FOCAD: variants seen among roughly 807,000 people sequenced by gnomAD.
FOCAD encodes the protein focadhesin.
A neutral mutation model predicts 225.6 loss-of-function variants in FOCAD; 198 were observed. The observed-to-expected ratio is 0.88, with a 90% CI of 0.78 to 0.99. The LOEUF is 0.99. Ranked by LOEUF, FOCAD falls within the 50% of genes least tolerant of loss-of-function variation. FOCAD has a pLI of 0.00. For synonymous variants in FOCAD, 897 were observed against 755.0 expected, an observed-to-expected ratio of 1.19 and a Z score of -3.08; for missense variants, 2,713 against 2,123.6, an observed-to-expected ratio of 1.28 and a Z score of -5.46.
intron 1 of FOCAD, among the ~76,000 whole-genome samples, chr9:20,697,489 C>T (rs1823473359): frequency 6.6e-6 from 1 of 152,252 alleles, no homozygotes; most frequent in South Asian, 2.1e-4. Flanking sequence ...CTGACTTGCA[C>T]TAGCCAACAC....
chr9:20,977,069 C>T (rs945280402), intron 36 of FOCAD, among the ~76,000 whole-genome samples: 1 of 152,066 alleles, frequency 6.6e-6, no homozygotes, highest in African/African-American at 2.4e-5. Context: ...AATTCATTTC[C>T]TTTTCTTTTC....
At chr9:20,828,702 A>C (rs1185130941) in intron 15 of FOCAD, among the ~76,000 whole-genome samples, 1 of 152,084 alleles carries the variant, frequency 6.6e-6, no homozygotes, top group African/African-American at 2.4e-5. Context: ...AACGTGTGCC[A>C]TGGTGGTTTG....
intron 39 of FOCAD, among the ~76,000 whole-genome samples, chr9:20,983,873 G>T (rs1840927978): frequency 6.6e-6 from 1 of 152,120 alleles, no homozygotes; most frequent in Non-Finnish European, 1.5e-5. Flanking sequence ...TCAAGATAAG[G>T]ACTCAGTATT....
intron 6 of FOCAD, among the ~76,000 whole-genome samples, chr9:20,763,520 T>A (rs1829796308): frequency 6.6e-6 from 1 of 152,190 alleles, no homozygotes; most frequent in Non-Finnish European, 1.5e-5. Context: ...ACATCTGATG[T>A]GATCTGATCA....
At chr9:20,811,198 C>T (rs1823029919) in intron 11 of FOCAD, among the ~76,000 whole-genome samples, 1 of 152,048 alleles carries the variant, frequency 6.6e-6, no homozygotes, top group Admixed American at 6.6e-5. Context: ...GAACGAGGGA[C>T]ACAAAGGTCT....
chr9:20,832,649 T>C (rs1185060373), intron 15 of FOCAD, among the ~76,000 whole-genome samples: 1 of 152,006 alleles, frequency 6.6e-6, no homozygotes, highest in Admixed American at 6.6e-5. Context: ...ATTCATTCTC[T>C]TTTTTCTTTT....
At chr9:20,962,143 G>C (rs919242914) in intron 35 of FOCAD, among the ~76,000 whole-genome samples, 1 of 151,972 alleles carries the variant, frequency 6.6e-6, no homozygotes, top group African/African-American at 2.4e-5. Flanking sequence ...GAAGATAGGG[G>C]CTTCCGTGAT....
At chr9:20,990,057 T>C in intron 41 of FOCAD, 66 bp from the exon 42 acceptor site, 1 of 1,588,866 alleles carries the variant, frequency 6.3e-7, no homozygotes, top group Non-Finnish European at 8.6e-7. Context: ...GGGCTGTGTA[T>C]GTGAACATGT....
chr9:20,912,806 A>T, intron 22 of FOCAD, 60 bp from the exon 23 acceptor site: 1 of 1,402,808 alleles, frequency 7.1e-7, no homozygotes, highest in East Asian at 2.3e-5. Flanking sequence ...TTTCCAAAGA[A>T]ATTTTAAGAT....
Position 20,981,676 on chromosome 9 carries a change from A to G in FOCAD, c.4628A>G (p.Asn1543Ser), listed in dbSNP as rs558076184. 8.7e-6 allele frequency: 14 copies of G among 1,608,384 alleles called. No homozygotes were observed. The Admixed American group carries it at 1.5e-4, about 18-fold the overall frequency. The change falls in exon 38 of 44, where the codon AAT becomes AGT. Residue 1543 changes from asparagine to serine, a missense_variant. By Grantham distance (46) the Asn-to-Ser change is conservative. Transcript: ENST00000338382. The part of the protein sequence containing the change: ...ATGKIFDLLP[N>S]KIRRKDLELY... ...GGGAAAATTTTTGACCTCCTGCCAA[A>G]TAAGATTCGGGTGAGGAACAAAAAT...
At chr9:20,970,819 C>T (rs991883729) in intron 35 of FOCAD, among the ~76,000 whole-genome samples, 6 of 152,018 alleles carry the variant, frequency 3.9e-5, no homozygotes, top group East Asian at 3.9e-4. Flanking sequence ...AAGAATAAAA[C>T]AAAATATTGT....
intron 15 of FOCAD, among the ~76,000 whole-genome samples, chr9:20,835,004 G>A (rs1825861036): frequency 6.6e-6 from 1 of 152,030 alleles, no homozygotes; most frequent in African/African-American, 2.4e-5. Context: ...CTTTTCAGAT[G>A]TAGTTACTAG....
intron 21 of FOCAD, among the ~76,000 whole-genome samples, chr9:20,901,123 A>C (rs1832516487): frequency 6.6e-6 from 1 of 151,606 alleles, no homozygotes; most frequent in African/African-American, 2.4e-5. Flanking sequence ...AAACAATAGG[A>C]TATTGAGTGG....
At chr9:20,690,959 T>G (rs1199017499) in intron 1 of FOCAD, among the ~76,000 whole-genome samples, 1 of 152,060 alleles carries the variant, frequency 6.6e-6, no homozygotes, top group Non-Finnish European at 1.5e-5. Context: ...ATTTTTATTT[T>G]TGAGACAGAG....
At chr9:20,916,150 ATATT>A (rs1250524913) in intron 23 of FOCAD, among the ~76,000 whole-genome samples, 3 of 152,168 alleles carry the variant, frequency 2.0e-5, no homozygotes, top group Admixed American at 6.5e-5. Context: ...AACTTTAACA[ATATT>A]TATAAAACCT....
intron 21 of FOCAD, among the ~76,000 whole-genome samples, chr9:20,897,866 G>C (rs1281714843): frequency 1.3e-5 from 2 of 151,620 alleles, no homozygotes; most frequent in African/African-American, 2.4e-5. Flanking sequence ...CTGAGCTTCT[G>C]ATCTCTATAA....
At chr9:20,793,535 A>G (rs1311211216) in intron 11 of FOCAD, among the ~76,000 whole-genome samples, 1 of 152,194 alleles carries the variant, frequency 6.6e-6, no homozygotes, top group Admixed American at 6.5e-5. Context: ...AGGAATTGTA[A>G]CTTTTCAGTT....
At chr9:20,754,792 A>T (rs961241883) in intron 5 of FOCAD, among the ~76,000 whole-genome samples, 2 of 152,180 alleles carry the variant, frequency 1.3e-5, no homozygotes, top group African/African-American at 2.4e-5. Flanking sequence ...CAACCCACAC[A>T]ATAAAGAGTT....
chr9:20,933,560 C>CAT (rs1206966209), intron 28 of FOCAD, among the ~76,000 whole-genome samples: 3 of 150,916 alleles, frequency 2.0e-5, no homozygotes, highest in Non-Finnish European at 4.4e-5. Context: ...AGTATTCCAT[C>CAT]GTGTGTGTGT....
Sources: allele counts gnomAD v4.1 joint callset (sites outside exome capture counted in the v4.1 genomes callset), GRCh38; gene constraint gnomAD v4.1.1; transcripts MANE v1.5; gene names NCBI Gene and HGNC (gene_info 2026-07-23, HGNC 2026-07-21).